Variants in SFI1 observed in about 807,000 individuals in gnomAD.
SFI1 encodes SFI1 centrin binding protein, also known as protein SFI1 homolog.
In SFI1, 195 loss-of-function variants were observed where a neutral mutation model predicts 207.5. The ratio of observed to expected loss-of-function variants is 0.94; its 90% CI spans 0.84 to 1.06. The LOEUF (loss-of-function observed/expected upper bound fraction) is 1.06. Ranked by LOEUF, SFI1 falls within the 50% of genes least tolerant of loss-of-function variation. The pLI is 0.00. For missense variants in SFI1, 1,634 were observed against 1,588.0 expected, an observed-to-expected ratio of 1.03 and a Z score of -0.49; for synonymous variants, 630 against 598.9, an observed-to-expected ratio of 1.05 and a Z score of -0.76.
intron 29 of SFI1, chr22:31,616,252 T>C (rs1215148990): frequency 6.5e-6 from 1 of 153,164 alleles, no homozygotes. Flanking sequence ...TGGGGCCACT[T>C]ACCCTGGCTG....
intron 1 of SFI1, among the ~76,000 whole-genome samples, chr22:31,502,575 T>G (rs1458871094): frequency 6.6e-6 from 1 of 152,012 alleles, no homozygotes; most frequent in Non-Finnish European, 1.5e-5. Flanking sequence ...GGTTTCACCA[T>G]GTTGTCCAGG....
intron 14 of SFI1, 96 bp downstream of exon 14, chr22:31,585,230 C>T (rs2064872464): frequency 2.9e-6 from 3 of 1,036,120 alleles, no homozygotes; most frequent in South Asian, 2.9e-5. Flanking sequence ...GCCAAGAAGT[C>T]TTATCGTTCT....
intron 15 of SFI1, among the ~76,000 whole-genome samples, chr22:31,590,975 A>ATTTTTTTT (rs997391866): frequency 5.8e-5 from 8 of 137,248 alleles, no homozygotes; most frequent in South Asian, 2.3e-4. Flanking sequence ...TTATTTATTT[A>ATTTTTTTT]TTTATTTTTT....
At chr22:31,616,907 A>G (rs750749546) in intron 30 of SFI1, 30 bp downstream of exon 30, 1 of 1,610,496 alleles carries the variant, frequency 6.2e-7, no homozygotes, top group Non-Finnish European at 8.5e-7. Context: ...CAGGGCAGAA[A>G]GCACTCAGGC....
At chr22:31,545,406 T>TGGC (rs1168397511) in intron 4 of SFI1, among the ~76,000 whole-genome samples, 1 of 151,756 alleles carries the variant, frequency 6.6e-6, no homozygotes, top group Non-Finnish European at 1.5e-5. Flanking sequence ...CTGGGTACAG[T>TGGC]GGCTCATGTC....
intron 12 of SFI1, among the ~76,000 whole-genome samples, chr22:31,582,250 T>TA (rs1907758293): frequency 1.4e-5 from 1 of 71,122 alleles, no homozygotes; most frequent in East Asian, 5.8e-4. Flanking sequence ...TTTTTTTTTT[T>TA]TTTTTTTTTT....
intron 9 of SFI1, among the ~76,000 whole-genome samples, chr22:31,574,572 G>C (rs1308769434): frequency 6.6e-6 from 1 of 152,204 alleles, no homozygotes; most frequent in Non-Finnish European, 1.5e-5. Flanking sequence ...TTGTTTAGAA[G>C]CAAAAGTAAA....
intron 8 of SFI1, among the ~76,000 whole-genome samples, chr22:31,563,521 A>G (rs1490853929): frequency 1.3e-5 from 2 of 152,206 alleles, no homozygotes; most frequent in Non-Finnish European, 2.9e-5. Flanking sequence ...GAGAGGCCAT[A>G]AACTCATTCT....
intron 1 of SFI1, among the ~76,000 whole-genome samples, chr22:31,505,321 C>T (rs1041683868): frequency 1.3e-5 from 2 of 151,964 alleles, no homozygotes; most frequent in Non-Finnish European, 1.5e-5. Flanking sequence ...TTCCTGTAAT[C>T]CCAGCTACAT....
chr22:31,549,677 A>C (rs1490301556), intron 5 of SFI1, among the ~76,000 whole-genome samples: 4 of 151,896 alleles, frequency 2.6e-5, no homozygotes, highest in African/African-American at 9.7e-5. Context: ...AACATCATGA[A>C]TTTGTGGATG....
chr22:31,499,111 G>A (rs916531142), intron 1 of SFI1, among the ~76,000 whole-genome samples: 1 of 152,124 alleles, frequency 6.6e-6, no homozygotes, highest in Non-Finnish European at 1.5e-5. Context: ...AGGCGAAAGT[G>A]ATCCTCCTGC....
intron 6 of SFI1, 24 bp from the exon 7 acceptor site, chr22:31,556,918 G>C (rs1302093576): frequency 1.3e-5 from 20 of 1,545,852 alleles, no homozygotes; most frequent in Non-Finnish European, 1.8e-5. Flanking sequence ...CATGCCTTTT[G>C]AAAAATCTCT....
At position 31,512,071 on chromosome 22, in the gene SFI1, G is replaced by A. The variant is rs1047019494; in HGVS notation, c.92+3695G>A. 3.3e-5 allele frequency among the ~76,000 whole-genome samples: 5 copies of A among 152,194 alleles called. No homozygotes were observed. The East Asian group carries it at 9.6e-4, about 29-fold the overall frequency. On this transcript the variant is annotated intron_variant, in intron 2 of 32. Coordinates refer to ENST00000400288, the MANE Select transcript of SFI1 (RefSeq NM_001007467.3). Reference sequence around the variant, plus strand: ...AAGAAATAGGTTATTGGCCGGCGCAGTGGCTCACGCCTGTAATCCCAGCAC... The same window carrying A: ...AAGAAATAGGTTATTGGCCGGCGCAATGGCTCACGCCTGTAATCCCAGCAC...
intron 8 of SFI1, among the ~76,000 whole-genome samples, chr22:31,570,614 G>C (rs73400227): frequency 0.011 from 1,729 of 152,252 alleles, 38 homozygotes; most frequent in African/African-American, 0.04. Context: ...AAAGTTACTA[G>C]AGTGAGCGGG....
intron 2 of SFI1, among the ~76,000 whole-genome samples, chr22:31,523,335 A>C (rs895263000): frequency 6.6e-6 from 1 of 152,206 alleles, no homozygotes; most frequent in African/African-American, 2.4e-5. Context: ...AGTCTCACCC[A>C]CCTTCAGTGT....
chr22:31,544,594 A>T (rs1377683676), intron 4 of SFI1, among the ~76,000 whole-genome samples: 2 of 152,080 alleles, frequency 1.3e-5, no homozygotes, highest in Admixed American at 1.3e-4. Flanking sequence ...CTCTACAAAA[A>T]ATAAAAAATT....
intron 27 of SFI1, 31 bp from the exon 28 acceptor site, chr22:31,614,758 C>T (rs2071083677): frequency 6.2e-7 from 1 of 1,612,050 alleles, no homozygotes; most frequent in Non-Finnish European, 8.5e-7. Context: ...CCTGGTCAGC[C>T]CAGGGGAACA....
At chr22:31,606,089 T>G (rs1315815281) in intron 20 of SFI1, 1 of 497,894 alleles carries the variant, frequency 2.0e-6, no homozygotes, top group Non-Finnish European at 3.6e-6. Context: ...CACCTGGAGT[T>G]TGGTCTCCAG....
intron 6 of SFI1, among the ~76,000 whole-genome samples, chr22:31,553,850 T>G (rs979932872): frequency 8.7e-6 from 1 of 114,478 alleles, no homozygotes; most frequent in Non-Finnish European, 1.8e-5. Flanking sequence ...TTTTTTTTTT[T>G]TTTTTTTTTT....
Sources: gnomAD v4.1 joint callset for allele counts (sites outside exome capture counted in the v4.1 genomes callset) on GRCh38, gnomAD v4.1.1 for gene constraint, MANE v1.5 for transcripts, NCBI Gene and HGNC (gene_info 2026-07-23, HGNC 2026-07-21) for gene names.